Variants in GRIK1 observed in about 807,000 individuals in gnomAD.
GRIK1 encodes the protein glutamate ionotropic receptor kainate type subunit 1.
Under a neutral mutation model 105.7 loss-of-function variants are expected in GRIK1, and 69 were observed. The observed-to-expected ratio is 0.65, with a 90% CI of 0.54 to 0.80. GRIK1 has a LOEUF of 0.80. Ranked by LOEUF, GRIK1 falls within the 30% of genes least tolerant of loss-of-function variation. GRIK1 has a pLI of 0.00. For missense variants in GRIK1, 1,109 were observed against 1,167.3 expected, an observed-to-expected ratio of 0.95 and a Z score of 0.73; for synonymous variants, 438 against 431.3, an observed-to-expected ratio of 1.02 and a Z score of -0.19.
At chr21:29,810,575 G>A (rs1044213936) in intron 1 of GRIK1, among the ~76,000 whole-genome samples, 5 of 152,026 alleles carry the variant, frequency 3.3e-5, no homozygotes, top group Admixed American at 6.6e-5. Flanking sequence ...GTTTTGCCAA[G>A]CGTGTCAATC....
intron 12 of GRIK1, chr21:29,582,378 A>G: frequency 2.1e-6 from 1 of 468,414 alleles, no homozygotes; most frequent in Admixed American, 2.4e-5. Flanking sequence ...CTATAGCATT[A>G]TTATAGGTCT....
Position 29,735,342 on chromosome 21 carries a change from C to T in GRIK1, c.119-41279G>A, listed in dbSNP as rs539809112. 3.3e-5 allele frequency among the ~76,000 whole-genome samples: 5 copies of T among 152,312 alleles called. No homozygotes were observed. The South Asian group carries it at 1.0e-3, about 32-fold the overall frequency. On this transcript the variant is annotated intron_variant, in intron 1 of 17. Coordinates refer to ENST00000327783, the MANE Select transcript of GRIK1 (RefSeq NM_001330994.2). Reference sequence around the variant, plus strand: ...AGTGGCAAGAAGGTGTCAAGTCCAACTCATAAAGTGAGGCTGTGTTCATTC... The same window carrying T: ...AGTGGCAAGAAGGTGTCAAGTCCAATTCATAAAGTGAGGCTGTGTTCATTC...
intron 1 of GRIK1, among the ~76,000 whole-genome samples, chr21:29,816,707 G>C (rs1481299970): frequency 2.0e-5 from 3 of 152,068 alleles, no homozygotes; most frequent in African/African-American, 4.8e-5. Flanking sequence ...GTCAAACATT[G>C]CATGTTCTCA....
rs150526885 is a variant in GRIK1, at chr21:29,555,094, T to A, written c.2565A>T (p.Gly855=). ...TCTTCCGTGATTTGTATATGAATTC[T>A]CCAATAGCTACAAATACAGAAAGGA... The part of the protein sequence containing the change: ...GLVLSVFVAI[G]EFIYKSRKNN... The change falls in exon 16 of 18, where the codon GGA becomes GGT. Residue 855 remains glycine (G), a synonymous_variant. Coordinates refer to ENST00000327783, the MANE Select transcript of GRIK1 (RefSeq NM_001330994.2). 1.9e-4 allele frequency: 299 copies of A among 1,610,052 alleles called. No individual in the cohort carries two copies. The African/African-American group carries it at 3.1e-3, about 17-fold the overall frequency.
At chr21:29,915,195 C>G (rs984196989) in intron 1 of GRIK1, among the ~76,000 whole-genome samples, 3 of 151,908 alleles carry the variant, frequency 2.0e-5, no homozygotes, top group Non-Finnish European at 4.4e-5. Context: ...CACACACACA[C>G]ACACACACAA....
intron 12 of GRIK1, among the ~76,000 whole-genome samples, chr21:29,583,749 A>G (rs1195526956): frequency 6.6e-6 from 1 of 152,192 alleles, no homozygotes; most frequent in Non-Finnish European, 1.5e-5. Context: ...GGTGAATATT[A>G]AACAGTGACA....
intron 7 of GRIK1, among the ~76,000 whole-genome samples, chr21:29,640,098 C>T (rs930442139): frequency 1.3e-5 from 2 of 150,296 alleles, no homozygotes; most frequent in Non-Finnish European, 2.9e-5. Context: ...TGCTGACTTG[C>T]TTCTTTTCAT....
chr21:29,563,019 T>A lies in GRIK1; in HGVS notation c.2131-1170A>T, dbSNP rs2300303. Among the ~76,000 whole-genome samples, 39 of 151,954 alleles carry A rather than the reference T, an allele frequency of 2.6e-4. No homozygotes were observed. The South Asian group carries it at 3.1e-3, about 12-fold the overall frequency. ...TCCATACAGTTCCAATTTTTTTTTT[T>A]AATTTTTCTTCATTTGCATCAGCAT... On this transcript the variant is annotated intron_variant, in intron 14 of 17. Transcript: ENST00000327783.
chr21:29,600,902 T>C (rs1270123812), intron 7 of GRIK1, among the ~76,000 whole-genome samples: 1 of 152,242 alleles, frequency 6.6e-6, no homozygotes, highest in Non-Finnish European at 1.5e-5. Flanking sequence ...TAAATTTTCG[T>C]ATTTATGCAA....
At chr21:29,861,299 T>A (rs911099076) in intron 1 of GRIK1, among the ~76,000 whole-genome samples, 1 of 121,702 alleles carries the variant, frequency 8.2e-6, no homozygotes, top group African/African-American at 3.0e-5. Flanking sequence ...TGTAGCTTTT[T>A]GTACTTACTC....
chr21:29,772,654 CT>C (rs1173376582), intron 1 of GRIK1, among the ~76,000 whole-genome samples: 1 of 152,066 alleles, frequency 6.6e-6, no homozygotes, highest in Non-Finnish European at 1.5e-5. Context: ...AAATAGAGCA[CT>C]GTTTAAAACC....
intron 1 of GRIK1, among the ~76,000 whole-genome samples, chr21:29,864,063 G>T (rs2068729434): frequency 1.3e-5 from 2 of 151,228 alleles, no homozygotes; most frequent in African/African-American, 4.9e-5. Context: ...TCTGTTATTT[G>T]GATCCTCCCT....
intron 7 of GRIK1, among the ~76,000 whole-genome samples, chr21:29,642,086 T>G (rs1159684800): frequency 6.6e-6 from 1 of 152,164 alleles, no homozygotes; most frequent in Admixed American, 6.5e-5. Context: ...CAAAGAGCCT[T>G]ATTTCTTATC....
rs2146615428 is a variant in GRIK1, at chr21:29,665,383, T to A, written c.726+7600A>T. Among the ~76,000 whole-genome samples, 3 of 152,316 alleles carry A rather than the reference T, an allele frequency of 2.0e-5. No homozygotes were observed. The Middle Eastern group carries it at 0.01, about 518-fold the overall frequency. The stretch of plus-strand genomic sequence containing the variant: ...TTTTAATATCAGCCTGAGAGAAACA[T>A]AATTACGATGAGAATGTACCGCCAA... On this transcript the variant is annotated intron_variant, in intron 4 of 17. Transcript: ENST00000327783.
At chr21:29,935,216 A>G (rs547745704) in intron 1 of GRIK1, among the ~76,000 whole-genome samples, 24 of 152,188 alleles carry the variant, frequency 1.6e-4, no homozygotes, top group Non-Finnish European at 2.8e-4. Context: ...CAGAACATTA[A>G]CTAAAAACTC....
chr21:29,749,401 C>T (rs1030775861), intron 1 of GRIK1, among the ~76,000 whole-genome samples: 4 of 152,174 alleles, frequency 2.6e-5, no homozygotes, highest in Non-Finnish European at 5.9e-5. Context: ...GCATAGTGGA[C>T]GTGTCTAATA....
intron 7 of GRIK1, among the ~76,000 whole-genome samples, chr21:29,604,435 C>A (rs2061575433): frequency 6.6e-6 from 1 of 152,114 alleles, no homozygotes; most frequent in Non-Finnish European, 1.5e-5. Flanking sequence ...CTTTGTTTTT[C>A]TGCAAACTCA....
At chr21:29,646,804 A>G (rs2832421) in intron 6 of GRIK1, among the ~76,000 whole-genome samples, 8,981 of 152,076 alleles carry the variant, frequency 0.059, 350 homozygotes, top group Admixed American at 0.1. Flanking sequence ...TTGGAAATAC[A>G]TGGATTCTGC....
chr21:29,813,343 G>A (rs925165922), intron 1 of GRIK1, among the ~76,000 whole-genome samples: 1 of 152,006 alleles, frequency 6.6e-6, no homozygotes, highest in African/African-American at 2.4e-5. Flanking sequence ...ACTAAGTGTT[G>A]GTTCAGTCAT....
Sources: allele counts gnomAD v4.1 joint callset (sites outside exome capture counted in the v4.1 genomes callset), GRCh38; gene constraint gnomAD v4.1.1; transcripts MANE v1.5; gene names NCBI Gene and HGNC (gene_info 2026-07-23, HGNC 2026-07-21).